The following ERAP1 variants were observed in gnomAD, a reference collection of about 807,000 sequenced individuals.
ERAP1 encodes the protein endoplasmic reticulum aminopeptidase 1, also known as adipocyte-derived leucine aminopeptidase.
In ERAP1, 86 loss-of-function variants were observed where a neutral mutation model predicts 103.7. The ratio of observed to expected loss-of-function variants is 0.83; its 90% confidence interval spans 0.70 to 0.99. The LOEUF is 0.99. Among genes scored for constraint, ERAP1 ranks in the 50% least tolerant of loss-of-function variants. The pLI is 0.00. For synonymous variants in ERAP1, 398 were observed against 402.4 expected (o/e 0.99, Z 0.13); for missense variants, 1,009 against 1,128.4 (o/e 0.89, Z 1.52).
At chr5:96,881,987 G>C in the ERAP1 span, among the ~76,000 whole-genome samples, 2 of 90,838 alleles carry the variant, frequency 2.2e-5, no homozygotes, top group African/African-American at 8.9e-5. Flanking sequence ...ATGGGTATCA[G>C]GAAGTGACTA....
the ERAP1 span, among the ~76,000 whole-genome samples, chr5:96,814,866 G>T: frequency 1.3e-5 from 2 of 152,226 alleles, no homozygotes; most frequent in Non-Finnish European, 2.9e-5. Flanking sequence ...AGGAAAAGGT[G>T]TCCTTGGGAC....
chr5:96,762,234 A>G, exon 20 of ERAP1: 1 of 1,346,248 alleles, frequency 7.4e-7, no homozygotes, highest in Non-Finnish European at 1.0e-6. Flanking sequence ...TCATAATTTT[A>G]TATACAACAT....
intron 19 of ERAP1, among the ~76,000 whole-genome samples, chr5:96,764,765 A>G (rs1439582803): frequency 6.6e-6 from 1 of 152,192 alleles, no homozygotes; most frequent in Non-Finnish European, 1.5e-5. Context: ...ATAGTTGCAG[A>G]ATCTTGCTTC....
the ERAP1 span, among the ~76,000 whole-genome samples, chr5:96,922,718 T>A: frequency 6.6e-5 from 10 of 152,244 alleles, no homozygotes; most frequent in Admixed American, 6.5e-4. Flanking sequence ...ACTCAGAGAC[T>A]AAATTAGAGT....
At chr5:96,883,890 GAA>G in the ERAP1 span, 6 of 1,613,616 alleles carry the variant, frequency 3.7e-6, no homozygotes, top group East Asian at 1.3e-4. Context: ...ATCAAGATAC[GAA>G]GAGAGAGCAG....
chr5:96,827,905 C>T, the ERAP1 span, among the ~76,000 whole-genome samples: 2 of 152,138 alleles, frequency 1.3e-5, no homozygotes, highest in Non-Finnish European at 2.9e-5. Flanking sequence ...TTCTGAAACA[C>T]TGGCCATTAT....
At chr5:96,852,546 A>G in the ERAP1 span, among the ~76,000 whole-genome samples, 2 of 152,236 alleles carry the variant, frequency 1.3e-5, no homozygotes. Flanking sequence ...CACATTTTCT[A>G]GTTAAAATTT....
intron 3 of ERAP1, among the ~76,000 whole-genome samples, chr5:96,799,898 T>C (rs972352311): frequency 6.6e-6 from 1 of 152,154 alleles, no homozygotes; most frequent in Non-Finnish European, 1.5e-5. Flanking sequence ...CCGAATCTTG[T>C]TTGAGGAAGG....
chr5:96,912,948 G>A, the ERAP1 span: 1 of 648,956 alleles, frequency 1.5e-6, no homozygotes, highest in African/African-American at 1.9e-5. Flanking sequence ...AGAATATATT[G>A]ACAAAATGCA....
At chr5:96,814,161 C>G in the ERAP1 span, 1 of 447,654 alleles carries the variant, frequency 2.2e-6, no homozygotes, top group Non-Finnish European at 4.5e-6. Flanking sequence ...CTTCCAAGCT[C>G]ACATCATTGT....
the ERAP1 span, among the ~76,000 whole-genome samples, chr5:96,905,028 T>C: frequency 2.0e-5 from 3 of 152,244 alleles, no homozygotes; most frequent in Admixed American, 6.5e-5. Context: ...TTTAAAACTT[T>C]ATTACTAATA....
chr5:96,793,617 AT>A, intron 6 of ERAP1, 104 bp from the exon 7 acceptor site: 2 of 1,104,816 alleles, frequency 1.8e-6, no homozygotes, highest in Non-Finnish European at 2.7e-6. Flanking sequence ...CAGGACCAAT[AT>A]TTAATCAAGG....
chr5:96,889,843 C>T, the ERAP1 span, among the ~76,000 whole-genome samples: 2 of 151,768 alleles, frequency 1.3e-5, no homozygotes, highest in East Asian at 3.9e-4. Flanking sequence ...CACACACACA[C>T]ACACACACAC....
rs765311761 is a variant in ERAP1, at chr5:96,790,495, T to C, written c.1452+17A>G. ...CCTGTCAATCCCAAATGCAGAGATA[T>C]TCAAAAACATACTCACACTTGCCAT... On this transcript the variant is annotated intron_variant, in intron 9 of 18. Transcript: ENST00000443439. 112 of 1,613,686 alleles carry C rather than the reference T, an allele frequency of 6.9e-5. 1 individual carries two copies. In the South Asian group the frequency reaches 1.2e-3, roughly 17 times the overall value.
At chr5:96,806,364 T>C (rs1778592943) in intron 1 of ERAP1, among the ~76,000 whole-genome samples, 1 of 152,174 alleles carries the variant, frequency 6.6e-6, no homozygotes, top group South Asian at 2.1e-4. Context: ...ACAATTCTCT[T>C]TGAAGTTACA....
At chr5:96,856,342 A>T in the ERAP1 span, among the ~76,000 whole-genome samples, 2 of 40,268 alleles carry the variant, frequency 5.0e-5, no homozygotes, top group Non-Finnish European at 1.0e-4. Flanking sequence ...AAAAAAAAAA[A>T]AAAAAAAATA....
At chr5:96,784,833 AGT>A (rs1775776283) in intron 13 of ERAP1, 1 of 152,386 alleles carries the variant, frequency 6.6e-6, no homozygotes, top group South Asian at 2.1e-4. Context: ...ACAGAGGGTT[AGT>A]GTTAAAAACC....
At chr5:96,880,271 G>T in the ERAP1 span, 22 of 1,595,768 alleles carry the variant, frequency 1.4e-5, no homozygotes, top group African/African-American at 2.4e-4. Context: ...GTAAGAACTT[G>T]CTCAGGTAAT....
chr5:96,873,433 CTACTAAACAAA>C, the ERAP1 span: 1 of 454,080 alleles, frequency 2.2e-6, no homozygotes, highest in Admixed American at 2.4e-5. Context: ...GCCAGTAGAC[CTACTAAACAAA>C]TGCCTGTAGT....
Sources: allele counts gnomAD v4.1 joint callset (sites outside exome capture counted in the v4.1 genomes callset), GRCh38; gene constraint gnomAD v4.1.1; transcripts MANE v1.5; gene names NCBI Gene and HGNC (gene_info 2026-07-23, HGNC 2026-07-21).